Variants in BORCS5 observed in about 807,000 individuals in gnomAD.
BORCS5 encodes the protein BLOC-1-related complex subunit 5.
BORCS5 carries 17 observed loss-of-function variants against 22.1 expected under a neutral mutation model. The observed-to-expected ratio is 0.77, with a 90% CI of 0.53 to 1.15. BORCS5 has a LOEUF of 1.15. BORCS5 is among the 50% of genes most tolerant of loss of function. The pLI, the probability that BORCS5 is intolerant of heterozygous loss-of-function variation, is 0.00. For missense variants in BORCS5, 247 were observed against 253.2 expected (o/e 0.98, Z 0.17); for synonymous variants, 117 against 99.8 (o/e 1.17, Z -1.03).
At chr12:12,452,180 C>A in intron 3 of BORCS5, 1 of 586,944 alleles carries the variant, frequency 1.7e-6, no homozygotes, top group South Asian at 1.4e-5. Flanking sequence ...CAGGAAGATT[C>A]ACATTTTTTA....
intron 2 of BORCS5, among the ~76,000 whole-genome samples, chr12:12,408,685 TA>T (rs1941647217): frequency 6.6e-6 from 1 of 152,344 alleles, no homozygotes; most frequent in Admixed American, 6.5e-5. Flanking sequence ...TCACTTAGTG[TA>T]ATGTCCTCAA....
chr12:12,374,492 T>G (rs1190556003), intron 2 of BORCS5, among the ~76,000 whole-genome samples: 3 of 150,978 alleles, frequency 2.0e-5, no homozygotes, highest in Non-Finnish European at 2.9e-5. Flanking sequence ...AAAAAAAGTT[T>G]ATCTAGGTGT....
At chr12:12,404,594 C>T (rs146464490) in intron 2 of BORCS5, among the ~76,000 whole-genome samples, 1 of 152,328 alleles carries the variant, frequency 6.6e-6, no homozygotes, top group East Asian at 1.9e-4. Context: ...GGGACCCATT[C>T]AAACCATAGC....
intron 2 of BORCS5, among the ~76,000 whole-genome samples, chr12:12,433,531 A>T (rs1389536550): frequency 6.6e-6 from 1 of 152,068 alleles, no homozygotes; most frequent in Non-Finnish European, 1.5e-5. Context: ...TATCTATGTC[A>T]ATATCCTGGT....
chr12:12,364,503 G>A (rs1413303459), intron 2 of BORCS5, among the ~76,000 whole-genome samples: 1 of 152,212 alleles, frequency 6.6e-6, no homozygotes, highest in African/African-American at 2.4e-5. Context: ...GGTTAGTTTT[G>A]CTGTCTTAGG....
intron 2 of BORCS5, among the ~76,000 whole-genome samples, chr12:12,409,475 T>G (rs148946802): frequency 2.6e-5 from 4 of 151,690 alleles, no homozygotes; most frequent in Non-Finnish European, 4.4e-5. Context: ...TGAGAACATA[T>G]GGTGTTTGGT....
At chr12:12,366,567 T>A (rs1592054923) in intron 2 of BORCS5, among the ~76,000 whole-genome samples, 1 of 152,156 alleles carries the variant, frequency 6.6e-6, no homozygotes, top group South Asian at 2.1e-4. Context: ...ATTAGAAAAT[T>A]AGAAAGTAGC....
chr12:12,441,366 TCTGA>T (rs1942679726), intron 3 of BORCS5, among the ~76,000 whole-genome samples: 3 of 152,334 alleles, frequency 2.0e-5, no homozygotes, highest in East Asian at 1.9e-4. Context: ...TGGCTCCATC[TCTGA>T]CTACCTGTGT....
Position 12,465,652 on chromosome 12 carries a change from T to C in BORCS5, c.467T>C (p.Leu156Pro). 1 of 1,614,278 alleles carries C rather than the reference T, an allele frequency of 6.2e-7. No homozygotes were observed. The highest frequency in any genetic ancestry group is 8.5e-7 in the Non-Finnish European group (1 of 1,180,044). Reference protein sequence around the residue: ...IQKVNEMSAILRRIQMGIDQT... With the variant: ...IQKVNEMSAIPRRIQMGIDQT... ...AAAGTGAACGAGATGTCCGCCATCC[T>C]CCGCCGCATACAGATGGGCATCGAC... Residue 156 changes from leucine (L) to proline (P), a missense_variant, in exon 4 of 4, where the codon CTC (leucine) becomes CCC (proline). Coordinates refer to ENST00000314565, the MANE Select transcript of BORCS5 (RefSeq NM_058169.6).
intron 2 of BORCS5, among the ~76,000 whole-genome samples, chr12:12,399,092 G>A (rs1941413922): frequency 6.6e-6 from 1 of 152,156 alleles, no homozygotes; most frequent in Non-Finnish European, 1.5e-5. Flanking sequence ...TTTCAGGGGG[G>A]CTAAAACAGT....
At chr12:12,449,324 G>A (rs759514641) in intron 3 of BORCS5, among the ~76,000 whole-genome samples, 1 of 152,214 alleles carries the variant, frequency 6.6e-6, no homozygotes, top group Non-Finnish European at 1.5e-5. Flanking sequence ...GGGACCCGAG[G>A]AAAGCTCTCC....
chr12:12,462,987 C>G (rs991943062), intron 3 of BORCS5, among the ~76,000 whole-genome samples: 11 of 152,238 alleles, frequency 7.2e-5, no homozygotes, highest in Admixed American at 5.2e-4. Context: ...CTCAGTGAGG[C>G]AACCCTAGGT....
At chr12:12,410,651 C>T (rs1289062454) in intron 2 of BORCS5, among the ~76,000 whole-genome samples, 3 of 152,166 alleles carry the variant, frequency 2.0e-5, no homozygotes, top group Admixed American at 2.0e-4. Context: ...AGTTTGAAGT[C>T]AGGTAGTATG....
At chr12:12,362,478 T>C (rs1863308495) in intron 2 of BORCS5, among the ~76,000 whole-genome samples, 1 of 152,156 alleles carries the variant, frequency 6.6e-6, no homozygotes, top group South Asian at 2.1e-4. Flanking sequence ...GTTTGTTACA[T>C]ATGTATACAT....
intron 3 of BORCS5, among the ~76,000 whole-genome samples, chr12:12,461,161 C>CTTTT (rs35299390): frequency 1.5e-5 from 2 of 134,208 alleles, no homozygotes; most frequent in African/African-American, 2.8e-5. Context: ...TTATTGCATT[C>CTTTT]TTTTTTTTTT....
At chr12:12,400,102 A>G (rs1941434129) in intron 2 of BORCS5, among the ~76,000 whole-genome samples, 1 of 152,214 alleles carries the variant, frequency 6.6e-6, no homozygotes, top group East Asian at 1.9e-4. Flanking sequence ...CCAAGGCTGA[A>G]TTAAGTTGAA....
chr12:12,394,189 G>T (rs1356761790), intron 2 of BORCS5, among the ~76,000 whole-genome samples: 1 of 151,854 alleles, frequency 6.6e-6, no homozygotes, highest in Non-Finnish European at 1.5e-5. Flanking sequence ...AGCCTGGTAT[G>T]GTAGTGCACA....
chr12:12,406,441 T>G (rs570538288), intron 2 of BORCS5, among the ~76,000 whole-genome samples: 2 of 152,360 alleles, frequency 1.3e-5, no homozygotes, highest in East Asian at 3.9e-4. Context: ...TAAACAATCC[T>G]GTTTCCCATT....
intron 2 of BORCS5, among the ~76,000 whole-genome samples, chr12:12,424,471 G>A (rs576718633): frequency 2.0e-5 from 3 of 152,012 alleles, no homozygotes; most frequent in African/African-American, 7.2e-5. Flanking sequence ...TTAGCTCTTT[G>A]AGCATCTTTA....
Sources: allele counts gnomAD v4.1 joint callset (sites outside exome capture counted in the v4.1 genomes callset), GRCh38; gene constraint gnomAD v4.1.1; transcripts MANE v1.5; gene names NCBI Gene and HGNC (gene_info 2026-07-23, HGNC 2026-07-21).